Variants in STK39 observed in about 807,000 individuals in gnomAD.
The protein encoded by STK39 is STE20/SPS1-related proline-alanine-rich protein kinase.
In STK39, 20 loss-of-function variants were observed where a neutral mutation model predicts 77.8. The observed-to-expected ratio is 0.26, with a 90% CI of 0.18 to 0.37. The LOEUF is 0.37. Ranked by LOEUF, STK39 falls within the 10% of genes least tolerant of loss-of-function variation. The pLI, the probability that STK39 is intolerant of heterozygous loss-of-function variation, is 1.00. For synonymous variants in STK39, 246 were observed against 234.1 expected (o/e 1.05, Z -0.47); for missense variants, 479 against 656.5 (o/e 0.73, Z 2.95).
At chr2:168,011,747 G>A (rs1214170779) in intron 16 of STK39, among the ~76,000 whole-genome samples, 2 of 152,174 alleles carry the variant, frequency 1.3e-5, no homozygotes, top group African/African-American at 4.8e-5. Flanking sequence ...TGATTCTAAA[G>A]GAGGTAGAAA....
At chr2:168,035,024 C>A (rs1684916351) in intron 14 of STK39, among the ~76,000 whole-genome samples, 1 of 152,194 alleles carries the variant, frequency 6.6e-6, no homozygotes, top group Admixed American at 6.5e-5. Flanking sequence ...GAGCTTGTAT[C>A]TGACTGCCAA....
chr2:168,036,548 T>C (rs996114193), intron 14 of STK39, among the ~76,000 whole-genome samples: 22 of 152,222 alleles, frequency 1.4e-4, no homozygotes, highest in African/African-American at 4.6e-4. Context: ...TAAAAATGTT[T>C]ATCCATATAA....
chr2:168,170,652 C>G (rs1013875709), intron 2 of STK39, among the ~76,000 whole-genome samples: 1 of 152,156 alleles, frequency 6.6e-6, no homozygotes, highest in Non-Finnish European at 1.5e-5. Flanking sequence ...GTAGACTGAG[C>G]TTTGAAAGAA....
intron 10 of STK39, among the ~76,000 whole-genome samples, chr2:168,076,424 G>C (rs1436347785): frequency 6.6e-6 from 1 of 152,132 alleles, no homozygotes; most frequent in Non-Finnish European, 1.5e-5. Flanking sequence ...CTATTTAGTT[G>C]CATCACAGGA....
chr2:168,012,187 T>C (rs1684286505), intron 16 of STK39, among the ~76,000 whole-genome samples: 1 of 151,882 alleles, frequency 6.6e-6, no homozygotes. Context: ...AAATTAAATA[T>C]GATTTTTTTT....
intron 2 of STK39, 73 bp from the exon 3 acceptor site, chr2:168,167,480 T>C: frequency 7.4e-7 from 1 of 1,343,470 alleles, no homozygotes; most frequent in Non-Finnish European, 1.1e-6. Flanking sequence ...TGAATCACAG[T>C]TGAGTACCTG....
rs139720729 is a variant in STK39, at chr2:168,073,391, T to C, written c.1242+1591A>G. The stretch of plus-strand genomic sequence containing the variant: ...CAATGATGCTACTTTAACCATGTTA[T>C]GTTGTTATATTTCTCAGCAGAACTG... On this transcript the variant is annotated intron_variant, in intron 12 of 17. Transcript: ENST00000355999. Among the ~76,000 whole-genome samples, 1,269 of 152,322 alleles carry C rather than the reference T, an allele frequency of 8.3e-3. 23 individuals carry two copies. The highest frequency in any genetic ancestry group is 0.029 in the African/African-American group (1,216 of 41,548).
At chr2:168,215,750 G>T (rs1690009707) in intron 1 of STK39, among the ~76,000 whole-genome samples, 1 of 152,120 alleles carries the variant, frequency 6.6e-6, no homozygotes, top group African/African-American at 2.4e-5. Flanking sequence ...AGAGGAAAGG[G>T]GGAAAAAATG....
intron 10 of STK39, among the ~76,000 whole-genome samples, chr2:168,122,866 T>C (rs933661590): frequency 3.9e-5 from 6 of 152,220 alleles, no homozygotes; most frequent in African/African-American, 1.4e-4. Flanking sequence ...AATGATTCAA[T>C]ACAGTAAATA....
At chr2:168,033,495 G>A (rs1684877904) in intron 14 of STK39, among the ~76,000 whole-genome samples, 1 of 152,156 alleles carries the variant, frequency 6.6e-6, no homozygotes, top group Non-Finnish European at 1.5e-5. Context: ...CTCTGGCCTT[G>A]GTATATGTAG....
intron 10 of STK39, among the ~76,000 whole-genome samples, chr2:168,078,904 G>T (rs1304918368): frequency 1.3e-5 from 2 of 152,118 alleles, no homozygotes; most frequent in Non-Finnish European, 2.9e-5. Context: ...ATGGCATGCT[G>T]ACTACAGTCG....
intron 5 of STK39, among the ~76,000 whole-genome samples, chr2:168,155,042 A>G (rs1485499180): frequency 3.3e-5 from 5 of 152,188 alleles, no homozygotes; most frequent in African/African-American, 4.8e-5. Context: ...TACAGGAAGG[A>G]AAAAAGAGAG....
chr2:168,017,195 A>G lies in STK39; in HGVS notation c.1377-100T>C. ...CACAAGATGCTACTAACATGTGGAT[A>G]ACATTTTACAGTTTGAGGTTACCTC... On this transcript the variant is annotated intron_variant, in intron 14 of 17. Coordinates refer to ENST00000355999, the MANE Select transcript of STK39 (RefSeq NM_013233.3). The G allele has an allele frequency of 5.9e-6, 4 of 682,382 alleles. No homozygotes were observed. The South Asian group carries it at 1.3e-4, about 22-fold the overall frequency. 42.3% of individuals were successfully genotyped at this position (682,382 alleles called of 1,614,324 possible).
At chr2:168,065,967 C>T (rs1016447110) in intron 12 of STK39, among the ~76,000 whole-genome samples, 4 of 152,050 alleles carry the variant, frequency 2.6e-5, no homozygotes, top group Admixed American at 2.6e-4. Flanking sequence ...TTATTTTTGC[C>T]TTGAGCTCTA....
chr2:168,202,932 G>A (rs190897678), intron 1 of STK39, among the ~76,000 whole-genome samples: 222 of 152,312 alleles, frequency 1.5e-3, no homozygotes, highest in African/African-American at 4.5e-3. Context: ...ACTGATGAGT[G>A]CAATGCTGCC....
intron 10 of STK39, among the ~76,000 whole-genome samples, chr2:168,123,493 AAAGAGT>A (rs1188748674): frequency 3.3e-5 from 5 of 152,210 alleles, no homozygotes; most frequent in African/African-American, 1.2e-4. Context: ...GTTTCAAAAT[AAAGAGT>A]AAGAGAAAAC....
chr2:168,139,616 C>T (rs992978704), intron 7 of STK39, among the ~76,000 whole-genome samples: 1 of 151,874 alleles, frequency 6.6e-6, no homozygotes, highest in Non-Finnish European at 1.5e-5. Context: ...CCAAATTTTT[C>T]CAGTAACCAT....
At chr2:168,046,006 A>C (rs1685230398) in intron 14 of STK39, among the ~76,000 whole-genome samples, 1 of 152,196 alleles carries the variant, frequency 6.6e-6, no homozygotes, top group Non-Finnish European at 1.5e-5. Flanking sequence ...CATTCCCCAG[A>C]TCAATACCTG....
intron 1 of STK39, among the ~76,000 whole-genome samples, chr2:168,202,518 T>C (rs926420106): frequency 1.3e-5 from 2 of 152,146 alleles, no homozygotes; most frequent in Non-Finnish European, 1.5e-5. Flanking sequence ...CAGGTCTCTC[T>C]GACATGAAAA....
Sources: gnomAD v4.1 joint callset for allele counts (sites outside exome capture counted in the v4.1 genomes callset) on GRCh38, gnomAD v4.1.1 for gene constraint, MANE v1.5 for transcripts, NCBI Gene and HGNC (gene_info 2026-07-23, HGNC 2026-07-21) for gene names.